PTPN12: variants seen among roughly 807,000 people sequenced by gnomAD.
PTPN12 encodes the protein tyrosine-protein phosphatase non-receptor type 12.
PTPN12 carries 29 observed loss-of-function variants against 97.6 expected under a neutral mutation model. The ratio of observed to expected loss-of-function variants is 0.30; its 90% confidence interval spans 0.22 to 0.41. The LOEUF is 0.41. Among genes scored for constraint, PTPN12 ranks in the 10% least tolerant of loss-of-function variants. The probability of loss-of-function intolerance (pLI) is 1.00; values close to 1 mark genes in which losing one functional copy is unlikely to be tolerated. For synonymous variants in PTPN12, 327 were observed against 300.4 expected (o/e 1.09, Z -0.91); for missense variants, 819 against 926.0 (o/e 0.88, Z 1.50).
intron 13 of PTPN12, 101 bp from the exon 14 acceptor site, chr7:77,632,247 T>C: frequency 1.1e-6 from 1 of 887,682 alleles, no homozygotes; most frequent in Non-Finnish European, 1.8e-6. Flanking sequence ...TAAAAACTGA[T>C]CTAGATATTT....
chr7:77,551,476 A>G (rs1234013779), intron 1 of PTPN12, among the ~76,000 whole-genome samples: 1 of 152,234 alleles, frequency 6.6e-6, no homozygotes, highest in Non-Finnish European at 1.5e-5. Flanking sequence ...GAGCAACTTA[A>G]GATGTCTGTG....
At chr7:77,614,075 T>TTTGTAGAGGTG (rs1788669329) in intron 11 of PTPN12, among the ~76,000 whole-genome samples, 1 of 151,046 alleles carries the variant, frequency 6.6e-6, no homozygotes, top group South Asian at 2.1e-4. Flanking sequence ...AAAATTTTTT[T>TTTGTAGAGGTG]TTGTAGAGAT....
intron 2 of PTPN12, among the ~76,000 whole-genome samples, chr7:77,574,174 T>G (rs1787258957): frequency 6.6e-6 from 1 of 152,146 alleles, no homozygotes; most frequent in South Asian, 2.1e-4. Context: ...TGGTGGTAAT[T>G]AGTGTTATTG....
intron 1 of PTPN12, among the ~76,000 whole-genome samples, chr7:77,539,184 A>G (rs1806827817): frequency 6.6e-6 from 1 of 152,344 alleles, no homozygotes; most frequent in Middle Eastern, 3.4e-3. Context: ...TTAACAGCTT[A>G]TAAAATAGGC....
At chr7:77,624,662 A>T (rs1209330157) in intron 12 of PTPN12, among the ~76,000 whole-genome samples, 1 of 151,126 alleles carries the variant, frequency 6.6e-6, no homozygotes, top group Non-Finnish European at 1.5e-5. Context: ...GCTGGTCTCA[A>T]ACTCCTGATC....
intron 1 of PTPN12, among the ~76,000 whole-genome samples, chr7:77,562,093 G>T (rs533915294): frequency 4.6e-5 from 7 of 152,114 alleles, no homozygotes; most frequent in Non-Finnish European, 8.8e-5. Flanking sequence ...TCACTCTGTT[G>T]CCCAGGCTGG....
In PTPN12 at chr7:77,625,563, CTCT is replaced by C. The variant is rs1475353999; in HGVS notation, c.1026-1140_1026-1138del. Among the ~76,000 whole-genome samples the C allele has an allele frequency of 5.8e-3, 161 of 27,782 alleles. 19 individuals carry two copies. Among genetic ancestry groups the C allele is most frequent in the Non-Finnish European group, 7.0e-3 (126 of 18,032 alleles). The allele number at this position is 27,782 out of a possible 152,430, so 18.2% of individuals were successfully genotyped here. A position where few individuals can be genotyped will look rare whatever the true frequency, so the allele number is the denominator to read the frequency against. ...TCGCGCTCTCTCTCTCGCTCTCTCT[CTCT>C]TTTTTTTTTTTTTTTTTTTTTTGGA... On this transcript the variant is annotated intron_variant, in intron 12 of 17. Coordinates refer to ENST00000248594, the MANE Select transcript of PTPN12 (RefSeq NM_002835.4).
At chr7:77,543,708 A>T (rs757336314) in intron 1 of PTPN12, among the ~76,000 whole-genome samples, 1 of 152,052 alleles carries the variant, frequency 6.6e-6, no homozygotes, top group Admixed American at 6.6e-5. Context: ...CCACAAATCT[A>T]CCTTCTGTTT....
chr7:77,584,373 C>G (rs1380826916), intron 4 of PTPN12, among the ~76,000 whole-genome samples: 1 of 152,070 alleles, frequency 6.6e-6, no homozygotes, highest in Non-Finnish European at 1.5e-5. Flanking sequence ...ATTTGCTGTA[C>G]TTCACTTTAA....
chr7:77,573,492 T>C (rs979856371), intron 2 of PTPN12, among the ~76,000 whole-genome samples: 2 of 152,160 alleles, frequency 1.3e-5, no homozygotes, highest in Non-Finnish European at 2.9e-5. Flanking sequence ...TCTAATCATC[T>C]CCTAAAGGCC....
At chr7:77,632,961 GTAAA>G (rs1174315298) in intron 14 of PTPN12, among the ~76,000 whole-genome samples, 3 of 151,610 alleles carry the variant, frequency 2.0e-5, no homozygotes, top group Non-Finnish European at 4.4e-5. Context: ...GTCTCAAAAA[GTAAA>G]TAAATAAATA....
intron 13 of PTPN12, among the ~76,000 whole-genome samples, chr7:77,630,044 A>G (rs1789344599): frequency 6.6e-6 from 1 of 151,858 alleles, no homozygotes; most frequent in South Asian, 2.1e-4. Flanking sequence ...AAATCACTAT[A>G]CATGTGATTT....
chr7:77,549,161 T>C (rs1044857152), intron 1 of PTPN12, among the ~76,000 whole-genome samples: 1 of 152,160 alleles, frequency 6.6e-6, no homozygotes, highest in African/African-American at 2.4e-5. Context: ...CTTATTCATA[T>C]GTGTATGGAA....
intron 1 of PTPN12, among the ~76,000 whole-genome samples, chr7:77,563,733 G>GA (rs923732813): frequency 2.0e-5 from 3 of 151,436 alleles, no homozygotes; most frequent in Admixed American, 1.3e-4. Context: ...ATGCATTTCT[G>GA]AAAAAAAAGG....
At chr7:77,604,209 C>CTT (rs71082768) in intron 8 of PTPN12, among the ~76,000 whole-genome samples, 16,663 of 52,506 alleles carry the variant, frequency 0.32, 4,184 homozygotes, top group Middle Eastern at 0.41. Context: ...TTTTTTCTTC[C>CTT]TTTTTTTTTT....
At chr7:77,539,921 C>A (rs1806872842) in intron 1 of PTPN12, among the ~76,000 whole-genome samples, 1 of 152,192 alleles carries the variant, frequency 6.6e-6, no homozygotes, top group South Asian at 2.1e-4. Flanking sequence ...TCAAGTGATC[C>A]ATCTGCTTTG....
chr7:77,563,105 C>T (rs1425274900), intron 1 of PTPN12, among the ~76,000 whole-genome samples: 1 of 152,126 alleles, frequency 6.6e-6, no homozygotes, highest in Non-Finnish European at 1.5e-5. Flanking sequence ...TTACTACATG[C>T]ATTCAGGGAA....
chr7:77,585,883 A>G (rs1787674506), intron 5 of PTPN12, among the ~76,000 whole-genome samples: 1 of 152,222 alleles, frequency 6.6e-6, no homozygotes, highest in Non-Finnish European at 1.5e-5. Flanking sequence ...TATAAAAGTC[A>G]TATTTATACT....
At chr7:77,567,325 A>C (rs192471470) in intron 1 of PTPN12, among the ~76,000 whole-genome samples, 31 of 152,318 alleles carry the variant, frequency 2.0e-4, no homozygotes, top group African/African-American at 7.0e-4. Context: ...TAAGAGTAAG[A>C]AATGTAAGTG....
Sources: gnomAD v4.1 joint callset for allele counts (sites outside exome capture counted in the v4.1 genomes callset) on GRCh38, gnomAD v4.1.1 for gene constraint, MANE v1.5 for transcripts, NCBI Gene and HGNC (gene_info 2026-07-23, HGNC 2026-07-21) for gene names.